SNX29: variants seen among roughly 807,000 people sequenced by gnomAD.
SNX29 encodes sorting nexin 29, also known as sorting nexin-29.
In SNX29, 78 loss-of-function variants were observed where a neutral mutation model predicts 102.1. The observed-to-expected ratio is 0.76, with a 90% CI of 0.64 to 0.92. SNX29 has a LOEUF of 0.92. Among genes scored for constraint, SNX29 ranks in the 40% least tolerant of loss-of-function variants. The pLI is 0.00. For synonymous variants in SNX29, 580 were observed against 414.5 expected (o/e 1.40, Z -4.85); for missense variants, 1,280 against 1,061.7 (o/e 1.21, Z -2.86).
intron 18 of SNX29, among the ~76,000 whole-genome samples, chr16:12,435,363 A>G (rs2085490585): frequency 6.6e-6 from 1 of 152,188 alleles, no homozygotes; most frequent in Non-Finnish European, 1.5e-5. Context: ...AAAAGATCCC[A>G]TTTATTAAAC....
chr16:12,298,669 T>G (rs558639125), intron 15 of SNX29, among the ~76,000 whole-genome samples: 135 of 152,310 alleles, frequency 8.9e-4, no homozygotes, highest in African/African-American at 3.2e-3. Context: ...CTCTCTTACT[T>G]TCCTCTCTAG....
intron 19 of SNX29, among the ~76,000 whole-genome samples, chr16:12,500,304 T>G (rs551130021): frequency 2.0e-5 from 3 of 152,304 alleles, no homozygotes; most frequent in African/African-American, 7.2e-5. Context: ...GGCCCTGCAT[T>G]TGTGAAAGGT....
intron 14 of SNX29, among the ~76,000 whole-genome samples, chr16:12,272,629 T>C (rs1250037915): frequency 6.6e-6 from 1 of 152,250 alleles, no homozygotes; most frequent in Non-Finnish European, 1.5e-5. Context: ...AATCATAGTT[T>C]ACACATAATT....
rs932304042 is a variant in SNX29 at position 12,571,684 on chromosome 16, C to G, written c.*3055C>G. On this transcript the variant is annotated 3_prime_UTR_variant, in exon 21 of 21. Transcript: ENST00000566228. The stretch of plus-strand genomic sequence containing the variant: ...GGTAGGGCTGGGCAGAGGTGTCTCT[C>G]CTTGAGAGACAACAAAAGCTTCTAA... The G allele has an allele frequency of 4.7e-6, 5 of 1,059,386 alleles. No individual in the cohort carries two copies. The highest frequency in any genetic ancestry group is 1.6e-5 in the African/African-American group (1 of 60,720). The allele number at this position is 1,059,386 out of a possible 1,614,324, so 65.6% of individuals were successfully genotyped here.
intron 18 of SNX29, among the ~76,000 whole-genome samples, chr16:12,457,958 G>A (rs1271803983): frequency 6.6e-6 from 1 of 152,216 alleles, no homozygotes; most frequent in Non-Finnish European, 1.5e-5. Context: ...TGCAGAGAGT[G>A]TGCCTATCAC....
chr16:12,562,594 C>G (rs547641409), intron 20 of SNX29, among the ~76,000 whole-genome samples: 1 of 152,300 alleles, frequency 6.6e-6, no homozygotes, highest in South Asian at 2.1e-4. Context: ...GAGACGGGGA[C>G]AAAGGTCGCT....
At chr16:12,314,875 G>A (rs2080680750) in intron 15 of SNX29, among the ~76,000 whole-genome samples, 1 of 152,188 alleles carries the variant, frequency 6.6e-6, no homozygotes, top group African/African-American at 2.4e-5. Context: ...CACACACGAT[G>A]TTATTCTGTC....
At chr16:12,184,305 T>C (rs1268111763) in intron 13 of SNX29, among the ~76,000 whole-genome samples, 7 of 152,196 alleles carry the variant, frequency 4.6e-5, no homozygotes, top group Non-Finnish European at 1.0e-4. Context: ...ACAAGGTTTG[T>C]ATGTTAGCTT....
At chr16:12,376,760 AAC>A (rs2082889768) in intron 16 of SNX29, among the ~76,000 whole-genome samples, 2 of 142,910 alleles carry the variant, frequency 1.4e-5, no homozygotes, top group African/African-American at 2.5e-5. Context: ...AAAAAAAAAG[AAC>A]AATTCTATGG....
At chr16:12,002,492 C>G (rs1007930993) in intron 2 of SNX29, among the ~76,000 whole-genome samples, 2 of 151,794 alleles carry the variant, frequency 1.3e-5, no homozygotes, top group Non-Finnish European at 2.9e-5. Context: ...TTTTCCCACC[C>G]TCAGTAAATT....
intron 16 of SNX29, among the ~76,000 whole-genome samples, chr16:12,394,716 C>G (rs11642448): frequency 1.3e-5 from 2 of 152,042 alleles, no homozygotes; most frequent in Non-Finnish European, 1.5e-5. Flanking sequence ...GGAGAAAGCC[C>G]GAGCACCTGA....
chr16:12,319,144 C>T (rs1420667068), intron 15 of SNX29, among the ~76,000 whole-genome samples: 6 of 152,158 alleles, frequency 3.9e-5, no homozygotes, highest in Non-Finnish European at 7.4e-5. Flanking sequence ...TTGTTACATT[C>T]CAGCCCTTGT....
intron 19 of SNX29, among the ~76,000 whole-genome samples, chr16:12,493,794 G>C (rs1234935193): frequency 1.3e-5 from 2 of 152,150 alleles, no homozygotes; most frequent in Admixed American, 6.5e-5. Flanking sequence ...GTTTCACCAT[G>C]TTGGCCAGAC....
At chr16:12,359,052 T>G (rs11645864) in intron 16 of SNX29, among the ~76,000 whole-genome samples, 1 of 152,044 alleles carries the variant, frequency 6.6e-6, no homozygotes, top group African/African-American at 2.4e-5. Context: ...CGCATTTTAT[T>G]GCTAGTGAGT....
intron 10 of SNX29, 63 bp from the exon 11 acceptor site, chr16:12,078,770 G>C (rs960600525): frequency 7.0e-7 from 1 of 1,419,344 alleles, no homozygotes; most frequent in African/African-American, 1.4e-5. Context: ...CTAGTTTTTG[G>C]AATGGTGAGG....
rs58886979 is a variant in SNX29, at chr16:12,101,445, G to A, written c.1402+22530G>A. On this transcript the variant is annotated intron_variant, in intron 11 of 20. Transcript: ENST00000566228. ...GTTGCCCAGGCTGGAGTACAGTGGC[G>A]TGATCTTGGCTCACTGCAACCTCCA... Among the ~76,000 whole-genome samples the A allele has an allele frequency of 5.4e-3, 815 of 151,330 alleles. 10 individuals are homozygous for A. Among genetic ancestry groups the A allele is most frequent in the African/African-American group, 0.019 (773 of 41,182 alleles).
intron 20 of SNX29, among the ~76,000 whole-genome samples, chr16:12,543,334 GCA>G (rs1318693001): frequency 6.6e-6 from 1 of 152,184 alleles, no homozygotes; most frequent in Non-Finnish European, 1.5e-5. Context: ...CAAATCTGGG[GCA>G]GAGGAGCAGG....
At chr16:12,567,261 G>T (rs533957820) in intron 20 of SNX29, among the ~76,000 whole-genome samples, 1 of 152,190 alleles carries the variant, frequency 6.6e-6, no homozygotes, top group Non-Finnish European at 1.5e-5. Flanking sequence ...GTCTTCCCTT[G>T]TAGGGTCCAG....
intron 13 of SNX29, among the ~76,000 whole-genome samples, chr16:12,174,687 G>GT (rs1354426809): frequency 2.0e-5 from 3 of 152,178 alleles, no homozygotes; most frequent in Non-Finnish European, 4.4e-5. Context: ...AAGGGAATAG[G>GT]TTTATTTTCC....
Sources: gnomAD v4.1 joint callset for allele counts (sites outside exome capture counted in the v4.1 genomes callset) on GRCh38, gnomAD v4.1.1 for gene constraint, MANE v1.5 for transcripts, NCBI Gene and HGNC (gene_info 2026-07-23, HGNC 2026-07-21) for gene names.